Variants in CAPN11 observed in about 807,000 individuals in gnomAD.
CAPN11 encodes calpain-11.
CAPN11 carries 108 observed loss-of-function variants against 105.3 expected under a neutral mutation model. The observed-to-expected ratio is 1.03, with a 90% confidence interval of 0.88 to 1.20. CAPN11 has a LOEUF of 1.20. Among genes scored for constraint, CAPN11 ranks in the 50% most tolerant of loss-of-function variants. CAPN11 has a pLI of 0.00. For missense variants in CAPN11, 883 were observed against 924.8 expected (o/e 0.95, Z 0.59); for synonymous variants, 329 against 344.5 (o/e 0.96, Z 0.50).
In CAPN11 at chr6:44,176,951, G is replaced by A; in HGVS notation, c.1190G>A (p.Gly397Asp). 1.9e-6 allele frequency: 3 copies of A among 1,613,876 alleles called. No homozygotes were observed. The highest frequency in any genetic ancestry group is 2.5e-6 in the Non-Finnish European group (3 of 1,179,884). Reference protein sequence around the residue: ...KSYWHTTFYEGSWRRGSSAGG... With the variant: ...KSYWHTTFYEDSWRRGSSAGG... ...TACTGGCACACCACCTTCTACGAGG[G>A]CAGCTGGCGCAGAGGCAGCTCCGCA... is the stretch of plus-strand genomic sequence containing the variant. Residue 397 changes from glycine to aspartate, a missense_variant, in exon 11 of 23, where the codon GGC becomes GAC. Physicochemically the swap from Gly to Asp is moderately conservative, Grantham distance 94 (BLOSUM62 -1). Coordinates refer to ENST00000398776, the MANE Select transcript of CAPN11 (RefSeq NM_007058.4).
intron 14 of CAPN11, 103 bp from the exon 15 acceptor site, chr6:44,180,357 C>T: frequency 8.9e-7 from 1 of 1,129,400 alleles, no homozygotes; most frequent in Non-Finnish European, 1.3e-6. Context: ...CATGGAGCTG[C>T]CCTATATTGC....
chr6:44,159,263 C>G (rs530607178), intron 1 of CAPN11, among the ~76,000 whole-genome samples: 4 of 152,264 alleles, frequency 2.6e-5, no homozygotes, highest in African/African-American at 9.6e-5. Context: ...CTTTAGGGAA[C>G]AGAGAGAACC....
At chr6:44,159,515 G>A (rs1768323799) in intron 1 of CAPN11, among the ~76,000 whole-genome samples, 4 of 151,928 alleles carry the variant, frequency 2.6e-5, no homozygotes, top group Admixed American at 2.0e-4. Flanking sequence ...CTGGGGCACC[G>A]TGAGACCATG....
chr6:44,173,233 T>C lies in CAPN11; in HGVS notation c.678T>C (p.Tyr226=). 2 of 1,613,900 alleles carry C rather than the reference T, an allele frequency of 1.2e-6. No homozygotes were observed. The highest frequency in any genetic ancestry group is 1.7e-6 in the Non-Finnish European group (2 of 1,179,876). The change falls in exon 7 of 23, where the codon TAT becomes TAC. Residue 226 remains tyrosine (Y), a synonymous_variant. Transcript: ENST00000398776. ...GTGCCCACAGGCTGAGTGGGTCCTA[T>C]GAAGCATTGTCAGGGGGCAGTACCA... ...EKAYAKLSGS[Y]EALSGGSTME... is the part of the protein sequence containing the mutation.
intron 1 of CAPN11, among the ~76,000 whole-genome samples, chr6:44,162,337 C>T (rs1033462891): frequency 6.6e-6 from 1 of 151,276 alleles, no homozygotes; most frequent in African/African-American, 2.4e-5. Context: ...ACCCCGCCCC[C>T]GCAGCCCCCC....
chr6:44,180,841 C>CCCATATTT (rs763242389), intron 17 of CAPN11, 36 bp downstream of exon 17: 3 of 1,610,946 alleles, frequency 1.9e-6, no homozygotes, highest in Non-Finnish European at 2.5e-6. Flanking sequence ...CGACCCCTCC[C>CCCATATTT]CCATATTTTG....
At chr6:44,181,045 C>A (rs933380448) in intron 18 of CAPN11, 48 bp downstream of exon 18, 1 of 1,564,814 alleles carries the variant, frequency 6.4e-7, no homozygotes, top group African/African-American at 1.4e-5. Context: ...TGCCCACAAG[C>A]CTGGCCCAGA....
chr6:44,166,776 C>T lies in CAPN11; in HGVS notation c.35C>T (p.Ser12Leu). The change falls in exon 2 of 23, where the codon TCA becomes TTA. Residue 12 changes from serine to leucine, a missense_variant. Ser to Leu is a moderately radical substitution (Grantham distance 145). Transcript: ENST00000398776. ...LYSPGPSLPE[S>L]AESLDGSQED... ...ATTCTAGGGCCGAGTCTTCCGGAGT[C>T]AGCAGAGAGCCTGGATGGATCACAG... 6.4e-7 allele frequency: 1 copy of T among 1,552,052 alleles called. No homozygotes were observed.
intron 4 of CAPN11, among the ~76,000 whole-genome samples, chr6:44,170,382 T>C (rs553710627): frequency 3.3e-5 from 5 of 152,192 alleles, no homozygotes; most frequent in Non-Finnish European, 7.3e-5. Context: ...TGTGATCATC[T>C]GAAGGCTCGC....
rs777859101 is a variant in CAPN11 at position 44,179,602 on chromosome 6, C to CT, written c.1417-14dup. On this transcript the variant is annotated splice_polypyrimidine_tract_variant and intron_variant, in intron 12 of 22. Transcript: ENST00000398776. Reference sequence around the variant, plus strand: ...ACCACCCTAGAGATCTGACTCTCCTCTTTCTTCCCTTCCCAGGTCCCAAAA... The same window carrying CT: ...ACCACCCTAGAGATCTGACTCTCCTCTTTTCTTCCCTTCCCAGGTCCCAAAA... 6.0e-5 allele frequency: 96 copies of CT among 1,612,852 alleles called. No individual in the cohort carries two copies. Among genetic ancestry groups the CT allele is most frequent in the South Asian group, 4.1e-4 (37 of 91,066 alleles).
intron 3 of CAPN11, 70 bp downstream of exon 3, chr6:44,169,601 A>G: frequency 2.1e-6 from 3 of 1,424,052 alleles, no homozygotes; most frequent in Non-Finnish European, 9.3e-7. Flanking sequence ...TATCACTTTT[A>G]GAATCTTCAA....
rs768931952 is a variant in CAPN11, at chr6:44,166,842, ACCCGTCGTGGCTCTGTGGC to A, written c.88+15_88+33del. On this transcript the variant is annotated intron_variant, in intron 2 of 22. Coordinates refer to ENST00000398776, the MANE Select transcript of CAPN11 (RefSeq NM_007058.4). The stretch of plus-strand genomic sequence containing the variant: ...GGCTCATGTGCGGGTAGGACTGCAG[ACCCGTCGTGGCTCTGTGGC>A]CTCCCTTTTTCTTCCTCCTCCTTCA... The A allele has an allele frequency of 6.5e-7, 1 of 1,530,098 alleles. No homozygotes were observed. Among genetic ancestry groups the A allele is most frequent in the East Asian group, 2.5e-5 (1 of 40,342 alleles). 94.8% of individuals were successfully genotyped at this position (1,530,098 alleles called of 1,614,324 possible).
intron 19 of CAPN11, among the ~76,000 whole-genome samples, chr6:44,181,884 C>T (rs1389834011): frequency 6.7e-5 from 7 of 103,718 alleles, no homozygotes; most frequent in Non-Finnish European, 8.9e-5. Context: ...TACACACTCA[C>T]ATACAGACAC....
Position 44,169,899 on chromosome 6 carries a change from A to C in CAPN11, c.340-7A>C, listed in dbSNP as rs761153528. 9 of 1,606,052 alleles carry C rather than the reference A, an allele frequency of 5.6e-6. No homozygotes were observed. The highest frequency in any genetic ancestry group is 2.7e-5 in the African/African-American group (2 of 74,742). ...GGCCCCCTGAAACCTTTATTCCTTC[A>C]CTGCAGGATATCATAAACAACCCTC... On this transcript the variant is annotated splice_region_variant and splice_polypyrimidine_tract_variant and intron_variant, in intron 3 of 22. Coordinates refer to ENST00000398776, the MANE Select transcript of CAPN11 (RefSeq NM_007058.4).
At chr6:44,178,749 TTAAAAA>T (rs1242725592) in intron 12 of CAPN11, among the ~76,000 whole-genome samples, 19 of 70,282 alleles carry the variant, frequency 2.7e-4, no homozygotes, top group East Asian at 8.9e-4. Context: ...CCTGTCTCGA[TTAAAAA>T]AAAAAAAAAA....
chr6:44,163,440 C>T (rs1769267516), intron 1 of CAPN11, among the ~76,000 whole-genome samples: 1 of 152,218 alleles, frequency 6.6e-6, no homozygotes, highest in Non-Finnish European at 1.5e-5. Flanking sequence ...CCAGCACAGC[C>T]ATGGCTCCTC....
At chr6:44,181,789 A>T (rs111218617) in intron 19 of CAPN11, among the ~76,000 whole-genome samples, 26 of 21,554 alleles carry the variant, frequency 1.2e-3, no homozygotes, top group East Asian at 2.9e-3. Context: ...CACACCACAC[A>T]CACACATACA....
At chr6:44,164,179 T>G (rs1263548042) in intron 1 of CAPN11, among the ~76,000 whole-genome samples, 1 of 152,088 alleles carries the variant, frequency 6.6e-6, no homozygotes, top group Non-Finnish European at 1.5e-5. Flanking sequence ...CTCAAAAAAG[T>G]GTATCTATGT....
chr6:44,182,652 G>A (rs1773974274), intron 19 of CAPN11, among the ~76,000 whole-genome samples: 1 of 152,116 alleles, frequency 6.6e-6, no homozygotes, highest in East Asian at 1.9e-4. Context: ...GAGTGCAGTG[G>A]TGCGATCTCT....
Sources: gnomAD v4.1 joint callset for allele counts (sites outside exome capture counted in the v4.1 genomes callset) on GRCh38, gnomAD v4.1.1 for gene constraint, MANE v1.5 for transcripts, NCBI Gene and HGNC (gene_info 2026-07-23, HGNC 2026-07-21) for gene names.